The following AVEN variants were observed in gnomAD, a reference collection of about 807,000 sequenced individuals.
AVEN encodes apoptosis and caspase activation inhibitor.
In AVEN, 41 loss-of-function variants were observed where a neutral mutation model predicts 38.1. The ratio of observed to expected loss-of-function variants is 1.08; its 90% CI spans 0.84 to 1.40. AVEN has a LOEUF of 1.40. AVEN is among the 40% of genes most tolerant of loss of function. The pLI, the probability that AVEN is intolerant of heterozygous loss-of-function variation, is 0.00. For synonymous variants in AVEN, 206 were observed against 171.8 expected (o/e 1.20, Z -1.56); for missense variants, 605 against 438.8 (o/e 1.38, Z -3.38).
Position 34,063,921 on chromosome 15 carries a change from A to G in AVEN, n.1127-489T>C. ...CAACAATGGCTGTCACAAGGTGAAA[A>G]TCATGCCCTGCCCCTTCCCAGTGGC... On this transcript the variant is annotated intron_variant and non_coding_transcript_variant, in intron 4 of 11. Transcript: ENST00000675287. This position sits in a 1 kb window ranked among gnomAD's most constrained non-coding sequence, Gnocchi z 4.1. 1 of 1,614,176 alleles carries G rather than the reference A, an allele frequency of 6.2e-7. No homozygotes were observed. Among genetic ancestry groups the G allele is most frequent in the Non-Finnish European group, 8.5e-7 (1 of 1,180,042 alleles).
intron 2 of AVEN, among the ~76,000 whole-genome samples, chr15:33,977,872 AGCCGCAGCAAGCTGTGAACAC>A (rs1269543324): frequency 6.6e-6 from 1 of 151,900 alleles, no homozygotes; most frequent in African/African-American, 2.4e-5. Context: ...AGGAGGTCAA[AGCCGCAGCAAGCTGTGAACAC>A]GCCACTGCAC....
At chr15:33,908,098 T>C (rs1892775574) in intron 2 of AVEN, among the ~76,000 whole-genome samples, 1 of 152,248 alleles carries the variant, frequency 6.6e-6, no homozygotes. Flanking sequence ...TGTGATAAGA[T>C]ATACATAAAA....
intron 2 of AVEN, among the ~76,000 whole-genome samples, chr15:34,001,177 C>T (rs618868): frequency 0.81 from 122,252 of 151,820 alleles, 49,464 homozygotes; most frequent in East Asian, 1. Context: ...CCCGCCACCA[C>T]GCCCAGCTAA....
At chr15:33,878,282 A>G (rs1436213001) in intron 2 of AVEN, among the ~76,000 whole-genome samples, 1 of 152,172 alleles carries the variant, frequency 6.6e-6, no homozygotes, top group Non-Finnish European at 1.5e-5. Flanking sequence ...AAATGTATTC[A>G]AAAGTCTCAA....
chr15:34,027,468 G>A (rs1898536735), intron 1 of AVEN, among the ~76,000 whole-genome samples: 1 of 151,236 alleles, frequency 6.6e-6, no homozygotes, highest in Non-Finnish European at 1.5e-5. Context: ...GGCAGAGGTT[G>A]CAGTGAGCTG....
chr15:33,899,631 G>A (rs1006914720), intron 2 of AVEN, among the ~76,000 whole-genome samples: 7 of 85,744 alleles, frequency 8.2e-5, no homozygotes, highest in Non-Finnish European at 2.1e-4. Flanking sequence ...ACCAAGCCCA[G>A]CTGATTTTTT....
At chr15:34,053,692 A>G (rs374910276) in intron 5 of AVEN, among the ~76,000 whole-genome samples, 1 of 152,304 alleles carries the variant, frequency 6.6e-6, no homozygotes, top group South Asian at 2.1e-4. Flanking sequence ...GATGAATTAA[A>G]GATTTAAATG....
downstream of AVEN, among the ~76,000 whole-genome samples, chr15:33,862,464 C>G (rs192334535): frequency 5.9e-5 from 9 of 152,314 alleles, no homozygotes; most frequent in African/African-American, 2.2e-4. Context: ...ACCTTGGCCT[C>G]CCAGAGTGCT....
At chr15:34,017,377 T>C (rs556255538) in intron 1 of AVEN, among the ~76,000 whole-genome samples, 1 of 151,972 alleles carries the variant, frequency 6.6e-6, no homozygotes, top group South Asian at 2.1e-4. Context: ...AGAGAAAATA[T>C]CAATCACCTA....
chr15:33,937,364 T>C (rs1203944900), intron 2 of AVEN, among the ~76,000 whole-genome samples: 4 of 150,610 alleles, frequency 2.7e-5, no homozygotes, highest in South Asian at 2.1e-4. Context: ...GAAACCCATC[T>C]CTACTAAAAA....
intron 1 of AVEN, among the ~76,000 whole-genome samples, chr15:34,015,435 T>C (rs1276608777): frequency 6.6e-6 from 1 of 151,810 alleles, no homozygotes; most frequent in East Asian, 1.9e-4. Context: ...TGAGCCGAGA[T>C]CGCACCACTG....
intron 2 of AVEN, among the ~76,000 whole-genome samples, chr15:33,972,729 G>C (rs1461432639): frequency 6.6e-6 from 1 of 152,110 alleles, no homozygotes; most frequent in Non-Finnish European, 1.5e-5. Flanking sequence ...ATCTTTGTTT[G>C]CAACAGTAGC....
At chr15:33,899,168 A>AAAAACAGCCCCCTTTT (rs71117192) in intron 2 of AVEN, among the ~76,000 whole-genome samples, 96,682 of 151,636 alleles carry the variant, frequency 0.64, 31,126 homozygotes, top group Middle Eastern at 0.73. Context: ...TAACTGTGGT[A>AAAAACAGCCCCCTTTT]CTCACCTCTG....
chr15:33,910,618 C>T lies in AVEN; in HGVS notation c.446-34623G>A, dbSNP rs529459601. ...TAAAAAGTGACAGGGAGAGAGAATG[C>T]ACCTCATAAAATGCCCAACTCACCC... On this transcript the variant is annotated intron_variant, in intron 2 of 5. Coordinates refer to ENST00000306730, the MANE Select transcript of AVEN (RefSeq NM_020371.3). Among the ~76,000 whole-genome samples, 11 of 152,300 alleles carry T rather than the reference C, an allele frequency of 7.2e-5. No homozygotes were observed. In the East Asian group the frequency reaches 9.6e-4, roughly 13 times the overall value.
At chr15:33,853,182 G>A in the AVEN span, 1 of 1,088,008 alleles carries the variant, frequency 9.2e-7, no homozygotes, top group Non-Finnish European at 1.3e-6. Flanking sequence ...TAAATGTGAT[G>A]CTACTTTTAT....
At chr15:33,957,146 T>C (rs75670976) in intron 2 of AVEN, among the ~76,000 whole-genome samples, 4,062 of 152,346 alleles carry the variant, frequency 0.027, 66 homozygotes, top group Non-Finnish European at 0.042. Flanking sequence ...ATGGCTAATA[T>C]ATGGTAAGTG....
intron 3 of AVEN, among the ~76,000 whole-genome samples, chr15:33,874,542 A>C (rs1472073838): frequency 1.3e-5 from 2 of 152,104 alleles, no homozygotes; most frequent in Non-Finnish European, 2.9e-5. Flanking sequence ...TCCAGTGCAA[A>C]GTAGCTATCT....
chr15:33,967,541 G>A (rs1459058078), intron 2 of AVEN, among the ~76,000 whole-genome samples: 1 of 151,848 alleles, frequency 6.6e-6, no homozygotes, highest in Non-Finnish European at 1.5e-5. Flanking sequence ...AGTTTCTGGA[G>A]GTTCATGTAT....
chr15:33,915,363 T>C (rs1893092087), intron 2 of AVEN, among the ~76,000 whole-genome samples: 1 of 151,796 alleles, frequency 6.6e-6, no homozygotes, highest in Non-Finnish European at 1.5e-5. Flanking sequence ...TGTGAAAGTG[T>C]GAAAGGGGGA....
Sources: allele counts gnomAD v4.1 joint callset (sites outside exome capture counted in the v4.1 genomes callset), GRCh38; gene constraint gnomAD v4.1.1; non-coding constraint Gnocchi (gnomAD v3.1); transcripts MANE v1.5; gene names NCBI Gene and HGNC (gene_info 2026-07-23, HGNC 2026-07-21).